Variants in ANO3 observed in about 807,000 individuals in gnomAD.
ANO3 encodes the protein anoctamin 3.
In ANO3, 99 loss-of-function variants were observed where a neutral mutation model predicts 144.8. The observed-to-expected ratio is 0.68, with a 90% CI of 0.58 to 0.81. The LOEUF (loss-of-function observed/expected upper bound fraction) is 0.81. ANO3 is among the 30% of genes least tolerant of loss of function. The pLI is 0.00. For missense variants in ANO3, 905 were observed against 1,202.2 expected (o/e 0.75, Z 3.66); for synonymous variants, 414 against 392.6 (o/e 1.05, Z -0.64).
rs1166736600 is a variant in ANO3, at chr11:26,647,703, T to C, written c.2429-6T>C. 1.3e-6 allele frequency: 2 copies of C among 1,597,610 alleles called. No individual in the cohort carries two copies. The highest frequency in any genetic ancestry group is 3.4e-5 in the Admixed American group (2 of 58,968). On this transcript the variant is annotated splice_region_variant and splice_polypyrimidine_tract_variant and intron_variant, in intron 23 of 26. Coordinates refer to ENST00000256737, the MANE Select transcript of ANO3 (RefSeq NM_031418.4). ...TGTTCACCATGATTAATCTTTCTCTTACCAGGTATCTGGCTTGGAATTCTC... is the reference window on the plus strand; with the variant it reads ...TGTTCACCATGATTAATCTTTCTCTCACCAGGTATCTGGCTTGGAATTCTC...
chr11:26,538,765 G>T (rs1369253326), intron 10 of ANO3, among the ~76,000 whole-genome samples: 1 of 152,042 alleles, frequency 6.6e-6, no homozygotes, highest in African/African-American at 2.4e-5. Context: ...ATTAATATAT[G>T]CAATAAATAC....
Position 26,202,967 on chromosome 11 carries a change from G to A in ANO3, c.154+13637G>A, listed in dbSNP as rs184752935. Reference sequence around the variant, plus strand: ...CAGTCGTTAAATGAGTACTAATGGAGCTGGACTTTGGGTTGTGTGAGACAG... The same window carrying A: ...CAGTCGTTAAATGAGTACTAATGGAACTGGACTTTGGGTTGTGTGAGACAG... On this transcript the variant is annotated intron_variant, in intron 1 of 27. Transcript: ENST00000672621. Among the ~76,000 whole-genome samples, 11 of 152,222 alleles carry A rather than the reference G, an allele frequency of 7.2e-5. No homozygotes were observed. In the East Asian group the frequency reaches 1.4e-3, roughly 19 times the overall value.
intron 3 of ANO3, among the ~76,000 whole-genome samples, chr11:26,453,857 G>C (rs1462802897): frequency 2.6e-5 from 4 of 151,888 alleles, no homozygotes; most frequent in Admixed American, 2.6e-4. Context: ...AAATATAAAA[G>C]AACAGAAATT....
chr11:26,577,245 T>C (rs1368147434), intron 14 of ANO3, among the ~76,000 whole-genome samples: 3 of 152,088 alleles, frequency 2.0e-5, no homozygotes, highest in Non-Finnish European at 4.4e-5. Flanking sequence ...ACTGAGAGTA[T>C]AGGTATCAGA....
At chr11:26,584,236 G>A (rs1851215202) in intron 14 of ANO3, among the ~76,000 whole-genome samples, 1 of 152,094 alleles carries the variant, frequency 6.6e-6, no homozygotes, top group Non-Finnish European at 1.5e-5. Flanking sequence ...TCGGCTCACT[G>A]CAACCTCCGC....
At chr11:26,208,081 A>C (rs1392666870) in intron 1 of ANO3, 3 of 152,188 alleles carry the variant, frequency 2.0e-5, no homozygotes, top group Non-Finnish European at 4.4e-5. Context: ...ATGATGGAAG[A>C]AGTGAGAAGT....
At chr11:26,522,040 C>T (rs1393514324) in intron 6 of ANO3, among the ~76,000 whole-genome samples, 1 of 151,922 alleles carries the variant, frequency 6.6e-6, no homozygotes, top group Non-Finnish European at 1.5e-5. Flanking sequence ...AAAAATTAGC[C>T]GGGGGTAGTG....
chr11:26,290,155 A>G lies in ANO3; in HGVS notation c.155-19490A>G, dbSNP rs191370646. 8.2e-3 allele frequency among the ~76,000 whole-genome samples: 1,256 copies of G among 152,268 alleles called. 11 individuals carry two copies. Among genetic ancestry groups the G allele is most frequent in the African/African-American group, 0.029 (1,198 of 41,540 alleles). ...TAGTCTTGGGAGGGCGTATGTGTCC[A>G]GGAATGTATCCATTTCTTCTAGATT... On this transcript the variant is annotated intron_variant, in intron 1 of 27. Transcript: ENST00000672621.
At chr11:26,246,694 A>T (rs1032796274) in intron 1 of ANO3, among the ~76,000 whole-genome samples, 1 of 129,778 alleles carries the variant, frequency 7.7e-6, no homozygotes, top group African/African-American at 2.8e-5. Flanking sequence ...TAGCTCCCAT[A>T]ATCCTCGTGT....
intron 1 of ANO3, among the ~76,000 whole-genome samples, chr11:26,401,192 G>A (rs1373223467): frequency 6.6e-6 from 1 of 152,024 alleles, no homozygotes; most frequent in Non-Finnish European, 1.5e-5. Flanking sequence ...GAATAGTTTG[G>A]ATTCTCAGTC....
At chr11:26,448,517 G>C (rs931047283) in intron 3 of ANO3, among the ~76,000 whole-genome samples, 1 of 152,046 alleles carries the variant, frequency 6.6e-6, no homozygotes, top group Non-Finnish European at 1.5e-5. Flanking sequence ...AATACTCATT[G>C]GTCTATTTCT....
At chr11:26,204,581 A>G (rs985321356) in intron 1 of ANO3, among the ~76,000 whole-genome samples, 1 of 152,128 alleles carries the variant, frequency 6.6e-6, no homozygotes, top group African/African-American at 2.4e-5. Flanking sequence ...TGTAGTTCAC[A>G]TGCGCATGGG....
intron 13 of ANO3, 90 bp from the exon 14 acceptor site, chr11:26,559,628 GA>G (rs1428685413): frequency 1.1e-6 from 1 of 872,286 alleles, no homozygotes; most frequent in Non-Finnish European, 1.9e-6. Flanking sequence ...TTCTATTTGA[GA>G]AAAAATCATA....
chr11:26,647,916 C>A, intron 24 of ANO3, 60 bp downstream of exon 24: 2 of 1,504,796 alleles, frequency 1.3e-6, no homozygotes, highest in Non-Finnish European at 1.8e-6. Context: ...AAAATAGGAT[C>A]TTACTGGGAA....
intron 1 of ANO3, among the ~76,000 whole-genome samples, chr11:26,239,670 T>C (rs975496645): frequency 6.6e-6 from 1 of 152,236 alleles, no homozygotes; most frequent in Non-Finnish European, 1.5e-5. Context: ...CTTGTCCTCC[T>C]ACCTTAGCAT....
At chr11:26,289,534 AATAT>A (rs1362923053) in intron 1 of ANO3, among the ~76,000 whole-genome samples, 1 of 140,906 alleles carries the variant, frequency 7.1e-6, no homozygotes, top group East Asian at 2.1e-4. Flanking sequence ...ACATATATAG[AATAT>A]ATATATTCTA....
At chr11:26,624,614 C>T (rs1852521300) in intron 18 of ANO3, 116 bp downstream of exon 18, 1 of 750,032 alleles carries the variant, frequency 1.3e-6, no homozygotes, top group Non-Finnish European at 2.2e-6. Context: ...TAAGTATTTA[C>T]CAATTAAAAA....
intron 14 of ANO3, among the ~76,000 whole-genome samples, chr11:26,590,321 T>C (rs996100734): frequency 1.3e-5 from 2 of 152,236 alleles, no homozygotes; most frequent in African/African-American, 4.8e-5. Context: ...CAACAACTTA[T>C]ATGATGTGAT....
chr11:26,648,774 A>C (rs766018810), intron 24 of ANO3, among the ~76,000 whole-genome samples: 3 of 152,162 alleles, frequency 2.0e-5, no homozygotes, highest in Non-Finnish European at 4.4e-5. Context: ...TTAGGTGTGG[A>C]AGAAGCGACA....
Sources: allele counts gnomAD v4.1 joint callset (sites outside exome capture counted in the v4.1 genomes callset), GRCh38; gene constraint gnomAD v4.1.1; transcripts MANE v1.5; gene names NCBI Gene and HGNC (gene_info 2026-07-23, HGNC 2026-07-21).